The following ADAM23 variants were observed in gnomAD, a reference collection of about 807,000 sequenced individuals.
ADAM23 encodes ADAM metallopeptidase domain 23, also known as disintegrin and metalloproteinase domain-containing protein 23.
Under a neutral mutation model 120.1 loss-of-function variants are expected in ADAM23, and 33 were observed. The ratio of observed to expected loss-of-function variants is 0.27; its 90% confidence interval spans 0.21 to 0.37. The LOEUF is 0.37. ADAM23 is among the 10% of genes least tolerant of loss of function. The pLI, the probability that ADAM23 is intolerant of heterozygous loss-of-function variation, is 1.00. For missense variants in ADAM23, 862 were observed against 1,058.2 expected, an observed-to-expected ratio of 0.81 and a Z score of 2.57; for synonymous variants, 367 against 375.2, an observed-to-expected ratio of 0.98 and a Z score of 0.25.
At chr2:206,592,350 C>T (rs111838001) in intron 21 of ADAM23, among the ~76,000 whole-genome samples, 10 of 152,100 alleles carry the variant, frequency 6.6e-5, no homozygotes, top group African/African-American at 1.4e-4. Flanking sequence ...GGAAAGTGGG[C>T]GTCGAGAATG....
chr2:206,519,380 G>A (rs1696799921), intron 3 of ADAM23, among the ~76,000 whole-genome samples: 2 of 152,244 alleles, frequency 1.3e-5, no homozygotes, highest in Non-Finnish European at 2.9e-5. Flanking sequence ...TGAAAATTCT[G>A]TTTGTTAGAG....
chr2:206,498,801 A>T (rs1230539310), intron 3 of ADAM23, among the ~76,000 whole-genome samples: 1 of 152,214 alleles, frequency 6.6e-6, no homozygotes, highest in Non-Finnish European at 1.5e-5. Flanking sequence ...AAACAAATTT[A>T]CAAGAAAAAA....
At chr2:206,487,127 A>G (rs1282231505) in intron 3 of ADAM23, among the ~76,000 whole-genome samples, 2 of 152,228 alleles carry the variant, frequency 1.3e-5, no homozygotes, top group Admixed American at 1.3e-4. Context: ...TAGATGAGAT[A>G]ACATGTGGTG....
At chr2:206,495,126 T>G (rs978205718) in intron 3 of ADAM23, among the ~76,000 whole-genome samples, 4 of 152,074 alleles carry the variant, frequency 2.6e-5, no homozygotes, top group East Asian at 3.9e-4. Flanking sequence ...AGGCCAACAT[T>G]CAAATTCAGG....
intron 6 of ADAM23, among the ~76,000 whole-genome samples, chr2:206,543,770 C>T (rs553519123): frequency 9.2e-5 from 14 of 151,946 alleles, no homozygotes; most frequent in African/African-American, 2.2e-4. Context: ...CACACACACA[C>T]GCACACGCAC....
intron 25 of ADAM23, among the ~76,000 whole-genome samples, chr2:206,611,557 A>T (rs1008779876): frequency 2.0e-5 from 3 of 152,170 alleles, no homozygotes; most frequent in Non-Finnish European, 2.9e-5. Context: ...ATAAATCTGG[A>T]TCATGCCCAG....
At chr2:206,471,590 CTT>C (rs1695661689) in intron 2 of ADAM23, among the ~76,000 whole-genome samples, 1 of 152,128 alleles carries the variant, frequency 6.6e-6, no homozygotes, top group Non-Finnish European at 1.5e-5. Context: ...CTTTCCAAAA[CTT>C]ATATTTTATT....
chr2:206,567,392 G>C (rs1030614923), intron 15 of ADAM23, 70 bp downstream of exon 15: 3 of 1,219,930 alleles, frequency 2.5e-6, no homozygotes, highest in African/African-American at 1.5e-5. Flanking sequence ...AACAGTGCTG[G>C]ATATCAGACG....
chr2:206,539,616 G>GT (rs1697250301), intron 4 of ADAM23, among the ~76,000 whole-genome samples: 4 of 152,178 alleles, frequency 2.6e-5, no homozygotes, highest in Non-Finnish European at 5.9e-5. Context: ...AGATCCCTGG[G>GT]TGGAAGGCAC....
intron 3 of ADAM23, among the ~76,000 whole-genome samples, chr2:206,504,991 G>A (rs1301607471): frequency 6.6e-6 from 1 of 152,194 alleles, no homozygotes; most frequent in East Asian, 1.9e-4. Context: ...AAGATTCTGG[G>A]ACTGAGAATA....
At position 206,443,604 on chromosome 2, in the gene ADAM23, G is replaced by C. The variant is rs1695002298; in HGVS notation, c.-263G>C. Reference sequence around the variant, plus strand: ...CCGCCGGGGGAGGGAGTAGCCGCTGGGGAGGCTCCAAGTTGGCGGAGCGGC... The same window carrying C: ...CCGCCGGGGGAGGGAGTAGCCGCTGCGGAGGCTCCAAGTTGGCGGAGCGGC... On this transcript the variant is annotated 5_prime_UTR_variant, in exon 1 of 26. Transcript: ENST00000264377. 1 of 146,720 alleles carries C rather than the reference G, an allele frequency of 6.8e-6. No homozygotes were observed. Among genetic ancestry groups the C allele is most frequent in the African/African-American group, 2.5e-5 (1 of 40,708 alleles). The allele number at this position is 146,720 out of a possible 1,614,324, so 9.1% of individuals were successfully genotyped here. A position where few individuals can be genotyped will look rare whatever the true frequency, so the allele number is the denominator to read the frequency against.
At chr2:206,611,093 G>A (rs1412231085) in intron 25 of ADAM23, among the ~76,000 whole-genome samples, 1 of 152,156 alleles carries the variant, frequency 6.6e-6, no homozygotes, top group Non-Finnish European at 1.5e-5. Context: ...TTTAGAAGCT[G>A]ATTAAAGAAA....
chr2:206,580,254 T>C (rs564336956), intron 18 of ADAM23, among the ~76,000 whole-genome samples: 3 of 152,334 alleles, frequency 2.0e-5, no homozygotes, highest in Admixed American at 6.5e-5. Context: ...CAGTACTATG[T>C]TGAAGAAGAG....
chr2:206,478,403 A>G (rs1255059827), intron 2 of ADAM23, among the ~76,000 whole-genome samples: 3 of 152,102 alleles, frequency 2.0e-5, no homozygotes, highest in Admixed American at 2.0e-4. Context: ...AGGTAATAAA[A>G]TCAGGTTTTT....
At chr2:206,589,196 A>T (rs1698381460) in intron 20 of ADAM23, among the ~76,000 whole-genome samples, 1 of 152,114 alleles carries the variant, frequency 6.6e-6, no homozygotes, top group African/African-American at 2.4e-5. Context: ...CAATTGTTAA[A>T]TTTTCAGGAA....
rs1574495534 is a variant in ADAM23, at chr2:206,493,328, AT to A, written c.509+12021del. Among the ~76,000 whole-genome samples the A allele has an allele frequency of 2.6e-5, 4 of 152,338 alleles. No individual in the cohort carries two copies. In the East Asian group the frequency reaches 7.7e-4, roughly 29 times the overall value. The stretch of plus-strand genomic sequence containing the variant: ...GATGATATCCATGAGCCTTAATATA[AT>A]ATTTAGATTGTGTTTAAAAACAAAA... On this transcript the variant is annotated intron_variant, in intron 3 of 25. Transcript: ENST00000264377.
At chr2:206,458,264 G>A (rs566605098) in intron 2 of ADAM23, among the ~76,000 whole-genome samples, 1 of 75,720 alleles carries the variant, frequency 1.3e-5, no homozygotes, top group Non-Finnish European at 3.0e-5. Flanking sequence ...CATGGGAAAT[G>A]TTACCAATTA....
chr2:206,549,363 A>G lies in ADAM23; in HGVS notation c.868-732A>G, dbSNP rs535552914. On this transcript the variant is annotated intron_variant, in intron 8 of 25. Transcript: ENST00000264377. Reference sequence around the variant, plus strand: ...TTACAATGGCTGCTGTTCTTTCCCTACAGTCCACCTCATCAAATATAAAGT... The same window carrying G: ...TTACAATGGCTGCTGTTCTTTCCCTGCAGTCCACCTCATCAAATATAAAGT... Among the ~76,000 whole-genome samples the G allele has an allele frequency of 7.2e-5, 11 of 151,932 alleles. No individual in the cohort carries two copies. The South Asian group carries it at 8.3e-4, about 11-fold the overall frequency.
intron 20 of ADAM23, 51 bp downstream of exon 20, chr2:206,588,205 A>G: frequency 1.3e-6 from 2 of 1,584,860 alleles, no homozygotes; most frequent in Non-Finnish European, 1.7e-6. Context: ...TTCTCTTAAT[A>G]GTGTTCTTCT....
Sources: gnomAD v4.1 joint callset for allele counts (sites outside exome capture counted in the v4.1 genomes callset) on GRCh38, gnomAD v4.1.1 for gene constraint, MANE v1.5 for transcripts, NCBI Gene and HGNC (gene_info 2026-07-23, HGNC 2026-07-21) for gene names.